Variants in SLC23A2 observed in about 807,000 individuals in gnomAD.
The protein encoded by SLC23A2 is Na(+)/L-ascorbic acid transporter 2.
In SLC23A2, 36 loss-of-function variants were observed where a neutral mutation model predicts 73.3. That is an observed-to-expected ratio of 0.49 (90% CI 0.38 to 0.65). The LOEUF is 0.65. Among genes scored for constraint, SLC23A2 ranks in the 30% least tolerant of loss-of-function variants. The probability of loss-of-function intolerance (pLI) is 0.00; values close to 1 mark genes in which losing one functional copy is unlikely to be tolerated. For missense variants in SLC23A2, 507 were observed against 841.6 expected, an observed-to-expected ratio of 0.60 and a Z score of 4.92; for synonymous variants, 343 against 327.3, an observed-to-expected ratio of 1.05 and a Z score of -0.52.
At chr20:4,982,977 C>A (rs1257006962) in intron 1 of SLC23A2, among the ~76,000 whole-genome samples, 1 of 152,158 alleles carries the variant, frequency 6.6e-6, no homozygotes, top group South Asian at 2.1e-4. Context: ...TGGTAGCACA[C>A]GCCTGTAATC....
intron 9 of SLC23A2, among the ~76,000 whole-genome samples, chr20:4,878,487 G>T (rs1469103173): frequency 1.3e-5 from 2 of 152,064 alleles, no homozygotes; most frequent in Non-Finnish European, 2.9e-5. Flanking sequence ...CGACAGATTT[G>T]TTTTTAATTC....
intron 1 of SLC23A2, among the ~76,000 whole-genome samples, chr20:4,994,370 T>A (rs1213615984): frequency 2.6e-5 from 4 of 152,018 alleles, no homozygotes; most frequent in Non-Finnish European, 4.4e-5. Context: ...GGTGTTGTAG[T>A]TAGCCCCCAG....
At position 4,916,544 on chromosome 20, in the gene SLC23A2, C is replaced by T. The variant is rs182266357; in HGVS notation, c.109-3566G>A. On this transcript the variant is annotated intron_variant, in intron 3 of 16. Transcript: ENST00000338244. ...ATTTCATGTTATGCAAACTTCACCT[C>T]GATACATTAAAAAAAATCATCTGTA... is the stretch of plus-strand genomic sequence containing the variant. 5.3e-5 allele frequency among the ~76,000 whole-genome samples: 8 copies of T among 152,048 alleles called. No homozygotes were observed. In the East Asian group the frequency reaches 5.8e-4, roughly 11 times the overall value.
Position 4,855,048 on chromosome 20 carries a change from T to A in SLC23A2, c.*1924A>T, listed in dbSNP as rs987523864. On this transcript the variant is annotated 3_prime_UTR_variant, in exon 17 of 17. Coordinates refer to ENST00000338244, the MANE Select transcript of SLC23A2 (RefSeq NM_005116.6). ...TGGAAACCGCGAGCCAGTGTGCTTC[T>A]AAAGTATGCATCAAAGACACATTTA... is the stretch of plus-strand genomic sequence containing the variant. The A allele has an allele frequency of 2.0e-5, 3 of 152,622 alleles. No individual in the cohort carries two copies. Among genetic ancestry groups the A allele is most frequent in the African/African-American group, 7.2e-5 (3 of 41,440 alleles). The allele number at this position is 152,622 out of a possible 1,614,324, so 9.5% of individuals were successfully genotyped here.
intron 3 of SLC23A2, among the ~76,000 whole-genome samples, chr20:4,918,187 T>C (rs187238122): frequency 1.3e-5 from 2 of 152,336 alleles, no homozygotes; most frequent in East Asian, 3.9e-4. Flanking sequence ...GGGTAACTAA[T>C]AGATAACAGA....
At chr20:5,009,038 G>A (rs1162676280) in intron 1 of SLC23A2, among the ~76,000 whole-genome samples, 1 of 151,998 alleles carries the variant, frequency 6.6e-6, no homozygotes, top group Non-Finnish European at 1.5e-5. Context: ...CTCTGAAACT[G>A]CCCAGGTAAA....
At chr20:4,999,096 T>G (rs1240205335) in intron 1 of SLC23A2, among the ~76,000 whole-genome samples, 1 of 151,900 alleles carries the variant, frequency 6.6e-6, no homozygotes, top group Non-Finnish European at 1.5e-5. Context: ...TGAGCCACCA[T>G]GCCCAGCCCC....
chr20:4,952,884 G>C (rs867298568), intron 2 of SLC23A2, among the ~76,000 whole-genome samples: 1 of 151,950 alleles, frequency 6.6e-6, no homozygotes, highest in African/African-American at 2.4e-5. Flanking sequence ...TTAGCCAGGC[G>C]TGGTGGCATG....
At chr20:4,976,105 G>A (rs947881830) in intron 1 of SLC23A2, among the ~76,000 whole-genome samples, 3 of 150,876 alleles carry the variant, frequency 2.0e-5, no homozygotes, top group South Asian at 2.1e-4. Context: ...CACCTGCCTC[G>A]CCCTCCCAAA....
chr20:4,934,877 C>A (rs1195877454), intron 2 of SLC23A2, among the ~76,000 whole-genome samples: 2 of 145,566 alleles, frequency 1.4e-5, no homozygotes, highest in African/African-American at 2.5e-5. Flanking sequence ...AAAAAAAAAT[C>A]TTGAAACTTC....
chr20:4,976,952 G>C (rs1437441486), intron 1 of SLC23A2, among the ~76,000 whole-genome samples: 1 of 151,962 alleles, frequency 6.6e-6, no homozygotes, highest in African/African-American at 2.4e-5. Context: ...CTTCAGCCTG[G>C]GTGGCTGAGA....
intron 6 of SLC23A2, among the ~76,000 whole-genome samples, chr20:4,888,746 T>C (rs532063205): frequency 2.0e-5 from 3 of 152,328 alleles, no homozygotes; most frequent in East Asian, 1.9e-4. Context: ...CCAGCAAATA[T>C]TCCAGGATCT....
At chr20:5,010,189 C>G (rs971656368) in exon 1 of SLC23A2, 2 of 152,072 alleles carry the variant, frequency 1.3e-5, no homozygotes, top group Admixed American at 1.3e-4. Flanking sequence ...CACCGTATGC[C>G]GTCTGCAAGC....
At chr20:4,879,408 CAAAAAAAAA>C (rs111565515) in intron 9 of SLC23A2, among the ~76,000 whole-genome samples, 4 of 43,006 alleles carry the variant, frequency 9.3e-5, no homozygotes, top group African/African-American at 2.7e-4. Context: ...AACTCTGTCT[CAAAAAAAAA>C]AAAAAAAAAA....
At chr20:4,925,430 C>T (rs1208348302) in intron 3 of SLC23A2, among the ~76,000 whole-genome samples, 1 of 152,226 alleles carries the variant, frequency 6.6e-6, no homozygotes, top group Middle Eastern at 3.4e-3. Context: ...TTGCTTGTTT[C>T]TTTACTGTTT....
intron 1 of SLC23A2, among the ~76,000 whole-genome samples, chr20:4,993,844 G>A (rs928170318): frequency 3.9e-5 from 6 of 152,118 alleles, no homozygotes; most frequent in Non-Finnish European, 5.9e-5. Flanking sequence ...AACTTTAGGA[G>A]GCTTGAGCTC....
chr20:4,856,865 G>A lies in SLC23A2; in HGVS notation c.*107C>T, dbSNP rs1568598007. 9.5e-6 allele frequency: 7 copies of A among 734,622 alleles called. No homozygotes were observed. Among genetic ancestry groups the A allele is most frequent in the South Asian group, 3.3e-5 (2 of 59,808 alleles). 45.5% of individuals were successfully genotyped at this position (734,622 alleles called of 1,614,324 possible). On this transcript the variant is annotated 3_prime_UTR_variant, in exon 17 of 17. Coordinates refer to ENST00000338244, the MANE Select transcript of SLC23A2 (RefSeq NM_005116.6). This position sits in a 1 kb window ranked among gnomAD's most constrained non-coding sequence, Gnocchi z 4.6. Reference sequence around the variant, plus strand: ...TCGCAGTCTGTCTTAGCTCTGGGGCGCAGAATGTAAATGTAGATATACAAA... The same window carrying A: ...TCGCAGTCTGTCTTAGCTCTGGGGCACAGAATGTAAATGTAGATATACAAA...
chr20:4,926,648 C>T (rs1005718095), intron 3 of SLC23A2, among the ~76,000 whole-genome samples: 4 of 150,862 alleles, frequency 2.7e-5, no homozygotes, highest in African/African-American at 9.8e-5. Flanking sequence ...AGATCTTTTG[C>T]TATGTTCCCC....
At chr20:4,989,149 G>A (rs1331330581) in intron 1 of SLC23A2, among the ~76,000 whole-genome samples, 2 of 150,706 alleles carry the variant, frequency 1.3e-5, no homozygotes, top group Non-Finnish European at 2.9e-5. Flanking sequence ...TGAGGCAGGA[G>A]AATCACTTGA....
Sources: gnomAD v4.1 joint callset for allele counts (sites outside exome capture counted in the v4.1 genomes callset) on GRCh38, gnomAD v4.1.1 for gene constraint, Gnocchi (gnomAD v3.1) non-coding constraint, MANE v1.5 for transcripts, NCBI Gene and HGNC (gene_info 2026-07-23, HGNC 2026-07-21) for gene names.